Variants in ZZEF1 observed in about 807,000 individuals in gnomAD.
ZZEF1 encodes the protein zinc finger ZZ-type and EF-hand domain containing 1, also known as zinc finger ZZ-type and EF-hand domain-containing protein 1.
A neutral mutation model predicts 342.8 loss-of-function variants in ZZEF1; 157 were observed. The observed-to-expected ratio is 0.46, with a 90% CI of 0.40 to 0.52. The LOEUF is 0.52. ZZEF1 is among the 20% of genes least tolerant of loss of function. The pLI, the probability that ZZEF1 is intolerant of heterozygous loss-of-function variation, is 0.00. For missense variants in ZZEF1, 3,480 were observed against 3,725.6 expected (o/e 0.93, Z 1.72); for synonymous variants, 1,505 against 1,429.1 (o/e 1.05, Z -1.20).
chr17:4,120,724 C>A (rs74728796), intron 2 of ZZEF1, among the ~76,000 whole-genome samples: 1 of 152,092 alleles, frequency 6.6e-6, no homozygotes, highest in Non-Finnish European at 1.5e-5. Context: ...GTGGAATGCC[C>A]GAGCTCAGGA....
intron 33 of ZZEF1, among the ~76,000 whole-genome samples, chr17:4,054,968 G>C (rs1344094218): frequency 6.6e-6 from 1 of 152,164 alleles, no homozygotes; most frequent in East Asian, 1.9e-4. Flanking sequence ...ATCAGTAAAA[G>C]GGAAGAAAGT....
chr17:4,127,584 T>C (rs903248360), intron 1 of ZZEF1, among the ~76,000 whole-genome samples: 1 of 152,072 alleles, frequency 6.6e-6, no homozygotes, highest in Non-Finnish European at 1.5e-5. Flanking sequence ...AAAACTTTCC[T>C]ATTAAAAAAA....
intron 9 of ZZEF1, among the ~76,000 whole-genome samples, chr17:4,098,073 T>C (rs779066058): frequency 6.6e-6 from 1 of 151,686 alleles, no homozygotes; most frequent in African/African-American, 2.4e-5. Context: ...ACCCCATCTT[T>C]ACTAAAAACA....
chr17:4,135,413 T>C (rs540272330), intron 1 of ZZEF1, among the ~76,000 whole-genome samples: 14 of 152,068 alleles, frequency 9.2e-5, no homozygotes, highest in Admixed American at 8.5e-4. Flanking sequence ...GAGGCAAAGG[T>C]TGCAGTGAGC....
chr17:4,044,466 A>C, intron 37 of ZZEF1, 92 bp from the exon 38 acceptor site: 2 of 1,236,642 alleles, frequency 1.6e-6, no homozygotes, highest in Non-Finnish European at 2.2e-6. Flanking sequence ...GCCAGTCTTC[A>C]TAGACTAAAA....
At chr17:4,031,627 G>C (rs926432739) in intron 42 of ZZEF1, among the ~76,000 whole-genome samples, 3 of 152,300 alleles carry the variant, frequency 2.0e-5, no homozygotes, top group Non-Finnish European at 4.4e-5. Context: ...TTCACGAGCA[G>C]AACTGGGAAT....
At chr17:4,068,664 T>C (rs1035657919) in intron 26 of ZZEF1, among the ~76,000 whole-genome samples, 1 of 152,152 alleles carries the variant, frequency 6.6e-6, no homozygotes, top group Non-Finnish European at 1.5e-5. Context: ...GATAATATAC[T>C]AGAACAGCAT....
intron 40 of ZZEF1, 154 bp downstream of exon 40, chr17:4,033,861 A>G: frequency 2.0e-6 from 2 of 1,001,322 alleles, no homozygotes; most frequent in Non-Finnish European, 2.9e-6. Flanking sequence ...GGTTGACAGC[A>G]TTGCTCATGA....
intron 42 of ZZEF1, among the ~76,000 whole-genome samples, chr17:4,030,919 C>G (rs1017752927): frequency 2.6e-5 from 4 of 152,184 alleles, no homozygotes; most frequent in Non-Finnish European, 4.4e-5. Context: ...TTGCTCATGC[C>G]TGTAATCCCA....
chr17:4,108,805 G>A (rs939144992), intron 6 of ZZEF1, among the ~76,000 whole-genome samples: 7 of 152,228 alleles, frequency 4.6e-5, no homozygotes, highest in Non-Finnish European at 1.0e-4. Context: ...ACAACAGGAA[G>A]AAAGAACAAG....
chr17:4,033,435 C>T (rs2056594355), intron 40 of ZZEF1: 1 of 163,738 alleles, frequency 6.1e-6, no homozygotes, highest in Non-Finnish European at 1.3e-5. Context: ...GTAACCTCCG[C>T]CTCCTGAGTT....
intron 21 of ZZEF1, chr17:4,076,152 G>A (rs1330284400): frequency 1.9e-5 from 1 of 52,474 alleles, no homozygotes; most frequent in Non-Finnish European, 3.8e-5. Flanking sequence ...TTTTTTTTGA[G>A]ACGGAGTCTC....
intron 11 of ZZEF1, among the ~76,000 whole-genome samples, chr17:4,093,521 G>A (rs1228159460): frequency 6.6e-6 from 1 of 152,154 alleles, no homozygotes; most frequent in Non-Finnish European, 1.5e-5. Flanking sequence ...CAAGAAGAGC[G>A]AATTATTCGA....
chr17:4,142,915 C>T lies in ZZEF1; in HGVS notation c.-20G>A. On this transcript the variant is annotated 5_prime_UTR_variant, in exon 1 of 55. Coordinates refer to ENST00000381638, the MANE Select transcript of ZZEF1 (RefSeq NM_015113.4). ...CCCCATGGGGTCTCCGTCTTGGGCG[C>T]CTGGCTCTGCAGCCGCCGCCGCCGC... 2.3e-6 allele frequency: 3 copies of T among 1,312,342 alleles called. No individual in the cohort carries two copies. Among genetic ancestry groups the T allele is most frequent in the Non-Finnish European group, 2.9e-6 (3 of 1,034,952 alleles). 81.3% of individuals were successfully genotyped at this position (1,312,342 alleles called of 1,614,324 possible).
chr17:4,060,596 A>C (rs1287197558), intron 30 of ZZEF1, among the ~76,000 whole-genome samples: 1 of 151,738 alleles, frequency 6.6e-6, no homozygotes, highest in Non-Finnish European at 1.5e-5. Flanking sequence ...AACAAACAAA[A>C]AAAACACTCA....
chr17:4,131,112 T>C (rs931989751), intron 1 of ZZEF1, among the ~76,000 whole-genome samples: 2 of 152,036 alleles, frequency 1.3e-5, no homozygotes, highest in African/African-American at 4.8e-5. Flanking sequence ...TACTCAATCC[T>C]CCCTTTTTCA....
intron 32 of ZZEF1, 99 bp downstream of exon 32, chr17:4,057,895 C>G (rs988117932): frequency 1.6e-6 from 2 of 1,255,108 alleles, no homozygotes; most frequent in Non-Finnish European, 1.1e-6. Context: ...ATGACACAGA[C>G]AGTCTAGCTC....
rs555297351 is a variant in ZZEF1, at chr17:4,060,829, C to T, written c.4884-1539G>A. On this transcript the variant is annotated intron_variant, in intron 30 of 54. Coordinates refer to ENST00000381638, the MANE Select transcript of ZZEF1 (RefSeq NM_015113.4). ...TTGTGGACACCGTGTGTCCTATTTC[C>T]TCACTACTACAGATAAGAGCCTCCC... Among the ~76,000 whole-genome samples the T allele has an allele frequency of 7.9e-5, 12 of 152,316 alleles. No individual in the cohort carries two copies. The South Asian group carries it at 2.5e-3, about 32-fold the overall frequency.
chr17:4,126,123 G>A (rs1024566069), intron 1 of ZZEF1, among the ~76,000 whole-genome samples: 1 of 151,764 alleles, frequency 6.6e-6, no homozygotes, highest in Non-Finnish European at 1.5e-5. Context: ...CTACTTGGGA[G>A]GCTGAGGCAG....
Sources: allele counts gnomAD v4.1 joint callset (sites outside exome capture counted in the v4.1 genomes callset), GRCh38; gene constraint gnomAD v4.1.1; transcripts MANE v1.5; gene names NCBI Gene and HGNC (gene_info 2026-07-23, HGNC 2026-07-21).